C10orf90: variants seen among roughly 807,000 people sequenced by gnomAD.
The protein encoded by C10orf90 is (E2-independent) E3 ubiquitin-conjugating enzyme FATS.
In C10orf90, 56 loss-of-function variants were observed where a neutral mutation model predicts 62.5. The observed-to-expected ratio is 0.90, with a 90% confidence interval of 0.72 to 1.12. The LOEUF (loss-of-function observed/expected upper bound fraction) is 1.12. Ranked by LOEUF, C10orf90 falls within the 50% of genes most tolerant of loss-of-function variation. The pLI, the probability that C10orf90 is intolerant of heterozygous loss-of-function variation, is 0.00. For missense variants in C10orf90, 970 were observed against 880.4 expected, an observed-to-expected ratio of 1.10 and a Z score of -1.29; for synonymous variants, 386 against 340.4, an observed-to-expected ratio of 1.13 and a Z score of -1.47.
intron 2 of C10orf90, among the ~76,000 whole-genome samples, chr10:126,553,051 A>C (rs1864674897): frequency 6.6e-6 from 1 of 152,238 alleles, no homozygotes; most frequent in South Asian, 2.1e-4. Flanking sequence ...AGAAAGGTCA[A>C]ACCAAAATGC....
chr10:126,569,205 C>G (rs1436250305), intron 2 of C10orf90, among the ~76,000 whole-genome samples: 1 of 152,186 alleles, frequency 6.6e-6, no homozygotes, highest in Non-Finnish European at 1.5e-5. Context: ...AGGGTGGCCA[C>G]TTTGAGAAGG....
intron 7 of C10orf90, among the ~76,000 whole-genome samples, chr10:126,446,150 G>A (rs1858764306): frequency 6.6e-6 from 1 of 151,824 alleles, no homozygotes; most frequent in Non-Finnish European, 1.5e-5. Context: ...CCAATAACCT[G>A]TGGAAAAATA....
In C10orf90 at chr10:126,426,006, G is replaced by A. The variant is rs757743695; in HGVS notation, c.2337C>T (p.Ala779=). ...AGGCCATTACCTTTTTGAAGACTTC[G>A]GCACGGAGTCTGTTACTTTGTAAGA... The part of the protein sequence containing the change: ...RVILQSNRLR[A]EVFKKQLLDQ... The change falls in exon 9 of 10, where the codon GCC becomes GCT. Residue 779 remains alanine (A), a synonymous_variant. Transcript: ENST00000488181. 24 of 1,614,098 alleles carry A rather than the reference G, an allele frequency of 1.5e-5. 1 individual carries two copies. Among genetic ancestry groups the A allele is most frequent in the Middle Eastern group, 1.6e-4 (1 of 6,062 alleles).
At chr10:126,655,751 G>A (rs1846380607) in intron 1 of C10orf90, among the ~76,000 whole-genome samples, 1 of 151,624 alleles carries the variant, frequency 6.6e-6, no homozygotes, top group Non-Finnish European at 1.5e-5. Flanking sequence ...GAGAGTTCTG[G>A]GAATTCAATA....
At chr10:126,658,402 A>G (rs1023345724) in intron 1 of C10orf90, among the ~76,000 whole-genome samples, 1 of 152,244 alleles carries the variant, frequency 6.6e-6, no homozygotes, top group African/African-American at 2.4e-5. Flanking sequence ...TGGTAAAATT[A>G]TAGGAAGCAA....
At chr10:126,623,945 T>C (rs1164892575) in intron 2 of C10orf90, among the ~76,000 whole-genome samples, 7 of 152,112 alleles carry the variant, frequency 4.6e-5, no homozygotes. Flanking sequence ...AGAGTGAATA[T>C]TTAATAAATA....
At chr10:126,524,800 A>G in intron 2 of C10orf90, 1 of 985,540 alleles carries the variant, frequency 1.0e-6, no homozygotes, top group East Asian at 1.1e-4. Context: ...GCTGGGGGCC[A>G]TCGAGGGAGG....
intron 4 of C10orf90, among the ~76,000 whole-genome samples, chr10:126,497,297 G>T (rs1390966331): frequency 6.6e-6 from 1 of 152,122 alleles, no homozygotes; most frequent in African/African-American, 2.4e-5. Flanking sequence ...GATGGTATTG[G>T]TCAGAAAAGG....
intron 2 of C10orf90, among the ~76,000 whole-genome samples, chr10:126,613,225 G>T (rs187154173): frequency 5.3e-5 from 8 of 152,074 alleles, no homozygotes; most frequent in African/African-American, 1.7e-4. Context: ...TTTTATTTTG[G>T]TTTTGTTTTT....
At chr10:126,595,778 C>A (rs1482803181) in intron 2 of C10orf90, among the ~76,000 whole-genome samples, 1 of 152,016 alleles carries the variant, frequency 6.6e-6, no homozygotes, top group Non-Finnish European at 1.5e-5. Context: ...GTGGAGGAGC[C>A]CTGACTGGGA....
intron 2 of C10orf90, among the ~76,000 whole-genome samples, chr10:126,559,146 A>T (rs1419177703): frequency 6.6e-6 from 1 of 152,156 alleles, no homozygotes; most frequent in Non-Finnish European, 1.5e-5. Context: ...GTTGTTTACA[A>T]CCACATTTAT....
chr10:126,454,090 A>G (rs770451892), intron 7 of C10orf90, among the ~76,000 whole-genome samples: 4 of 152,004 alleles, frequency 2.6e-5, no homozygotes, highest in South Asian at 4.1e-4. Context: ...AATTGTGTCA[A>G]TGGGGCATGG....
At chr10:126,552,855 T>G (rs1349411228) in intron 2 of C10orf90, among the ~76,000 whole-genome samples, 2 of 152,230 alleles carry the variant, frequency 1.3e-5, no homozygotes, top group Non-Finnish European at 2.9e-5. Context: ...CTTAGGGTTA[T>G]GAGAATTAAT....
At chr10:126,567,847 G>A (rs1844424699) in intron 2 of C10orf90, among the ~76,000 whole-genome samples, 1 of 152,146 alleles carries the variant, frequency 6.6e-6, no homozygotes, top group African/African-American at 2.4e-5. Flanking sequence ...AGCCTCGAGT[G>A]GCACCTTGAG....
intron 4 of C10orf90, among the ~76,000 whole-genome samples, chr10:126,500,311 A>G (rs570304275): frequency 2.6e-4 from 39 of 152,320 alleles, no homozygotes; most frequent in African/African-American, 9.1e-4. Context: ...AGGGAACAGC[A>G]GGAGACAAGT....
chr10:126,504,800 G>A lies in C10orf90; in HGVS notation c.691C>T (p.Arg231Cys), dbSNP rs1862622826. ...PKEERPCGGP[R>C]RGFASITITA... The stretch of plus-strand genomic sequence containing the variant: ...ATGGTGATGGATGCAAACCCTCTGC[G>A]GGGGCCCCCACAGGGTCTCTCCTCT... The change falls in exon 4 of 10, where the codon CGC becomes TGC. Residue 231 changes from arginine to cysteine, a missense_variant. Arg to Cys is a radical substitution (Grantham distance 180). Transcript: ENST00000488181. The surrounding 1 kb of genome is among the most constrained non-coding windows in gnomAD (Gnocchi z 4.1). 4.4e-6 allele frequency: 7 copies of A among 1,586,052 alleles called. No individual in the cohort carries two copies. Among genetic ancestry groups the A allele is most frequent in the African/African-American group, 4.0e-5 (3 of 74,138 alleles).
At chr10:126,645,496 G>A (rs910035819) in intron 2 of C10orf90, among the ~76,000 whole-genome samples, 2 of 151,750 alleles carry the variant, frequency 1.3e-5, no homozygotes, top group African/African-American at 4.8e-5. Flanking sequence ...AGGCTGAAGT[G>A]GGAGGATCGC....
intron 2 of C10orf90, among the ~76,000 whole-genome samples, chr10:126,583,727 G>A (rs1844800419): frequency 6.6e-6 from 1 of 152,166 alleles, no homozygotes; most frequent in African/African-American, 2.4e-5. Flanking sequence ...CAAGGTCCAG[G>A]TGCCTCTAGT....
intron 3 of C10orf90, among the ~76,000 whole-genome samples, chr10:126,508,564 A>G (rs960415833): frequency 9.3e-5 from 14 of 150,576 alleles, no homozygotes; most frequent in African/African-American, 3.4e-4. Context: ...TAGGTTGCTC[A>G]GGATCTATGG....
Sources: gnomAD v4.1 joint callset for allele counts (sites outside exome capture counted in the v4.1 genomes callset) on GRCh38, gnomAD v4.1.1 for gene constraint, Gnocchi (gnomAD v3.1) non-coding constraint, MANE v1.5 for transcripts, NCBI Gene and HGNC (gene_info 2026-07-23, HGNC 2026-07-21) for gene names.